Variants in TCF4 observed in about 807,000 individuals in gnomAD.
TCF4 encodes SL3-3 enhancer factor 2.
Under a neutral mutation model 82.1 loss-of-function variants are expected in TCF4, and 3 were observed. The ratio of observed to expected loss-of-function variants is 0.04; its 90% CI spans 0.02 to 0.09. The LOEUF is 0.09. TCF4 is among the 10% of genes least tolerant of loss of function. TCF4 has a pLI of 1.00. For missense variants in TCF4, 518 were observed against 852.7 expected (o/e 0.61, Z 4.89); for synonymous variants, 276 against 309.6 (o/e 0.89, Z 1.14).
intron 8 of TCF4, among the ~76,000 whole-genome samples, chr18:55,345,700 T>C (rs780127740): frequency 1.4e-4 from 22 of 152,140 alleles, no homozygotes; most frequent in Non-Finnish European, 2.8e-4. Context: ...TTTTACGTCT[T>C]ACCACACAAT....
chr18:55,355,473 T>C (rs1433310708), intron 6 of TCF4, among the ~76,000 whole-genome samples: 1 of 152,162 alleles, frequency 6.6e-6, no homozygotes, highest in African/African-American at 2.4e-5. Context: ...GCTGACTTAC[T>C]ACAGTAGCAG....
At chr18:55,229,193 T>C in intron 17 of TCF4, 117 bp from the exon 18 acceptor site, 1 of 1,188,646 alleles carries the variant, frequency 8.4e-7, no homozygotes, top group South Asian at 1.2e-5. Context: ...GCCATGTTTT[T>C]GGCAGAATTT....
intron 5 of TCF4, among the ~76,000 whole-genome samples, chr18:55,445,664 A>G (rs2095513091): frequency 6.6e-6 from 1 of 152,192 alleles, no homozygotes; most frequent in Admixed American, 6.5e-5. Flanking sequence ...CAGCCAAGCC[A>G]TATCAACCTG....
intron 5 of TCF4, chr18:55,404,024 C>T: frequency 2.6e-6 from 3 of 1,176,140 alleles, no homozygotes; most frequent in Non-Finnish European, 3.2e-6. Context: ...TTAAAAACTC[C>T]CTTTCCCAGG....
chr18:55,267,247 C>T (rs1317282878), intron 11 of TCF4: 1 of 152,096 alleles, frequency 6.6e-6, no homozygotes, highest in South Asian at 2.1e-4. Context: ...TCTGTTTGTT[C>T]TTTGAGATAC....
At chr18:55,603,513 A>G (rs1308596791) in intron 2 of TCF4, among the ~76,000 whole-genome samples, 1 of 152,196 alleles carries the variant, frequency 6.6e-6, no homozygotes, top group African/African-American at 2.4e-5. Context: ...AGAATGCCAG[A>G]TATGATCTGA....
intron 3 of TCF4, among the ~76,000 whole-genome samples, chr18:55,581,884 T>G (rs918823721): frequency 6.6e-6 from 1 of 152,102 alleles, no homozygotes; most frequent in African/African-American, 2.4e-5. Flanking sequence ...TAACAATACC[T>G]GAACACCTCA....
intron 6 of TCF4, among the ~76,000 whole-genome samples, chr18:55,374,428 A>G (rs188907039): frequency 7.3e-4 from 111 of 152,158 alleles, no homozygotes; most frequent in Non-Finnish European, 1.3e-3. Context: ...AAATCAACAT[A>G]ATTACAAAAT....
chr18:55,381,124 G>C (rs1403500658), intron 6 of TCF4, among the ~76,000 whole-genome samples: 1 of 152,072 alleles, frequency 6.6e-6, no homozygotes, highest in Non-Finnish European at 1.5e-5. Context: ...CAGTTTCAAA[G>C]TAAAGAATAG....
Position 55,223,727 on chromosome 18 carries a change from ATT to A in TCF4, c.*4306_*4307del, listed in dbSNP as rs144800392. On this transcript the variant is annotated 3_prime_UTR_variant, in exon 20 of 20. Transcript: ENST00000354452. ...GTTTTCCCTTTTTTTTTTTTTAACA[ATT>A]TTTTTAAGTTTTTAATGCTGCAGCT... The A allele has an allele frequency of 6.9e-6, 1 of 145,250 alleles. No individual in the cohort carries two copies. The highest frequency in any genetic ancestry group is 1.5e-5 in the Non-Finnish European group (1 of 65,754). 9.0% of individuals were successfully genotyped at this position (145,250 alleles called of 1,614,324 possible). A position where few individuals can be genotyped will look rare whatever the true frequency, so the allele number is the denominator to read the frequency against.
intron 6 of TCF4, among the ~76,000 whole-genome samples, chr18:55,357,753 T>C (rs2083946007): frequency 6.6e-6 from 1 of 152,088 alleles, no homozygotes; most frequent in South Asian, 2.1e-4. Flanking sequence ...TAGGTTGGCC[T>C]CCCTGGAAAC....
chr18:55,299,855 A>T (rs182100474), intron 8 of TCF4, among the ~76,000 whole-genome samples: 1 of 152,186 alleles, frequency 6.6e-6, no homozygotes, highest in Non-Finnish European at 1.5e-5. Flanking sequence ...CCCTACCATC[A>T]CAAATTTAGT....
chr18:55,559,958 C>T (rs1319694410), intron 3 of TCF4, among the ~76,000 whole-genome samples: 1 of 152,162 alleles, frequency 6.6e-6, no homozygotes, highest in Non-Finnish European at 1.5e-5. Flanking sequence ...TGATTCAAAA[C>T]ACAGCTGCTG....
intron 5 of TCF4, among the ~76,000 whole-genome samples, chr18:55,455,875 A>C (rs1276905635): frequency 6.6e-6 from 1 of 152,206 alleles, no homozygotes; most frequent in Non-Finnish European, 1.5e-5. Context: ...TTGTACATTA[A>C]GGCTTCCAAA....
intron 8 of TCF4, among the ~76,000 whole-genome samples, chr18:55,284,586 C>A (rs1476673236): frequency 6.6e-6 from 1 of 152,098 alleles, no homozygotes; most frequent in Non-Finnish European, 1.5e-5. Flanking sequence ...ACCTGATTGT[C>A]CAGTAGACCT....
intron 15 of TCF4, among the ~76,000 whole-genome samples, chr18:55,251,786 T>A (rs915202190): frequency 6.6e-6 from 1 of 152,212 alleles, no homozygotes; most frequent in African/African-American, 2.4e-5. Context: ...TGCTGAAGTT[T>A]CCGGTGCATA....
chr18:55,313,659 G>A (rs1394302129), intron 8 of TCF4, among the ~76,000 whole-genome samples: 1 of 152,078 alleles, frequency 6.6e-6, no homozygotes, highest in Non-Finnish European at 1.5e-5. Context: ...GAACACCCAA[G>A]AAATTCTAGA....
chr18:55,390,286 T>TAAAAAAAAA (rs56965997), intron 6 of TCF4, among the ~76,000 whole-genome samples: 26 of 82,192 alleles, frequency 3.2e-4, no homozygotes, highest in African/African-American at 5.1e-4. Flanking sequence ...CCCTGACTCT[T>TAAAAAAAAA]AAAAAAAAAA....
chr18:55,257,220 C>T, intron 14 of TCF4, 95 bp downstream of exon 14: 1 of 1,307,962 alleles, frequency 7.6e-7, no homozygotes, highest in South Asian at 1.2e-5. Context: ...AAGTTACTAA[C>T]AGGGAAAATC....
Sources: gnomAD v4.1 joint callset for allele counts (sites outside exome capture counted in the v4.1 genomes callset) on GRCh38, gnomAD v4.1.1 for gene constraint, MANE v1.5 for transcripts, NCBI Gene and HGNC (gene_info 2026-07-23, HGNC 2026-07-21) for gene names.